Variants in TRPM3 observed in about 807,000 individuals in gnomAD.
TRPM3 encodes the protein transient receptor potential cation channel subfamily M member 3, also known as long transient receptor potential channel 3.
TRPM3 carries 77 observed loss-of-function variants against 181.2 expected under a neutral mutation model. That is an observed-to-expected ratio of 0.42 (90% confidence interval 0.35 to 0.51). TRPM3 has a LOEUF of 0.51. TRPM3 is among the 20% of genes least tolerant of loss of function. TRPM3 has a pLI of 0.01. For missense variants in TRPM3, 1,759 were observed against 2,196.7 expected, an observed-to-expected ratio of 0.80 and a Z score of 3.98; for synonymous variants, 745 against 796.4, an observed-to-expected ratio of 0.94 and a Z score of 1.09.
rs372536777 is a variant in TRPM3, at chr9:71,327,805, T to TA, written c.183+118847dup. Reference sequence around the variant, plus strand: ...TTCCTGAGAGGTTCTATCAACGTTTTAAAAATGTTTTAATGTGTTTATCAG... The same window carrying TA: ...TTCCTGAGAGGTTCTATCAACGTTTTAAAAAATGTTTTAATGTGTTTATCAG... On this transcript the variant is annotated intron_variant, in intron 1 of 24. Transcript: ENST00000357533. Among the ~76,000 whole-genome samples, 147 of 152,312 alleles carry TA rather than the reference T, an allele frequency of 9.7e-4. 1 individual carries two copies. The highest frequency in any genetic ancestry group is 3.5e-3 in the African/African-American group (145 of 41,574).
intron 1 of TRPM3, among the ~76,000 whole-genome samples, chr9:71,277,305 G>A (rs1158457210): frequency 6.6e-6 from 1 of 152,144 alleles, no homozygotes; most frequent in African/African-American, 2.4e-5. Flanking sequence ...AATAGTAAAT[G>A]TATTTGTTTT....
chr9:70,789,720 C>T (rs899141871), intron 6 of TRPM3, among the ~76,000 whole-genome samples: 17 of 152,198 alleles, frequency 1.1e-4, no homozygotes, highest in African/African-American at 3.4e-4. Flanking sequence ...TTAGAGCATA[C>T]GAAAATGTGA....
chr9:70,553,228 C>G lies in TRPM3; in HGVS notation c.3306G>C (p.Pro1102=). ...CTAAGAGGTAGCAGGCCATGATGGC[C>G]GGCACGATCCAAGCTCCTGTCTTGC... ...PPCKTGAWIV[P]AIMACYLLVA... is the part of the protein sequence containing the mutation. Residue 1102 remains proline, a synonymous_variant, in exon 23 of 26, where the codon CCG becomes CCC. Coordinates refer to ENST00000677713, the MANE Select transcript of TRPM3 (RefSeq NM_001366145.2). 4 of 1,614,028 alleles carry G rather than the reference C, an allele frequency of 2.5e-6. No individual in the cohort carries two copies. Among genetic ancestry groups the G allele is most frequent in the Non-Finnish European group, 3.4e-6 (4 of 1,180,004 alleles).
At chr9:70,605,274 G>C (rs2060839328) in intron 19 of TRPM3, among the ~76,000 whole-genome samples, 1 of 152,032 alleles carries the variant, frequency 6.6e-6, no homozygotes, top group African/African-American at 2.4e-5. Context: ...GTCTTAATAT[G>C]ACTCCAAGGT....
chr9:71,347,386 T>C (rs2091358648), intron 1 of TRPM3, among the ~76,000 whole-genome samples: 1 of 152,236 alleles, frequency 6.6e-6, no homozygotes, highest in Non-Finnish European at 1.5e-5. Context: ...TGACAAAGCA[T>C]AGAAAAGCTC....
In TRPM3 at chr9:70,671,910, T is replaced by C. The variant is rs149927324; in HGVS notation, c.1345+9596A>G. 5.7e-3 allele frequency among the ~76,000 whole-genome samples: 860 copies of C among 150,630 alleles called. 9 individuals carry two copies. The highest frequency in any genetic ancestry group is 0.02 in the African/African-American group (811 of 40,798). ...TCCCCAGTAGCTGGGATTACAGGCA[T>C]GTGCCACCATGTCCAGCTAATTTTT... On this transcript the variant is annotated intron_variant, in intron 9 of 25. Coordinates refer to ENST00000677713, the MANE Select transcript of TRPM3 (RefSeq NM_001366145.2).
At chr9:71,174,691 A>T (rs1350951679) in intron 1 of TRPM3, among the ~76,000 whole-genome samples, 1 of 152,148 alleles carries the variant, frequency 6.6e-6, no homozygotes, top group Non-Finnish European at 1.5e-5. Flanking sequence ...TTTTAAAAAC[A>T]TTCATATTTA....
rs535619851 is a variant in TRPM3 at position 71,250,584 on chromosome 9, G to A, written c.183+196069C>T. Among the ~76,000 whole-genome samples the A allele has an allele frequency of 7.2e-5, 11 of 152,210 alleles. No homozygotes were observed. In the South Asian group the frequency reaches 2.3e-3, roughly 32 times the overall value. ...TATATATTTCTTATGCCTTGTTCAG[G>A]GAGACATTAATGAGCAAAATAGATA... On this transcript the variant is annotated intron_variant, in intron 1 of 24. Coordinates refer to the TRPM3 transcript ENST00000357533.
intron 1 of TRPM3, among the ~76,000 whole-genome samples, chr9:70,898,747 C>CAAAAAAAA (rs34952516): frequency 6.4e-5 from 6 of 93,350 alleles, no homozygotes; most frequent in African/African-American, 1.7e-4. Flanking sequence ...GACTTCATCT[C>CAAAAAAAA]AAAAAAAAAA....
chr9:71,377,599 CTG>C (rs1440246927), intron 1 of TRPM3, among the ~76,000 whole-genome samples: 2 of 151,990 alleles, frequency 1.3e-5, no homozygotes, highest in African/African-American at 2.4e-5. Context: ...TGTGGCTAGT[CTG>C]TATCTTTTTT....
At chr9:71,134,026 C>T (rs529400686) in intron 1 of TRPM3, among the ~76,000 whole-genome samples, 12 of 149,608 alleles carry the variant, frequency 8.0e-5, no homozygotes, top group Middle Eastern at 3.4e-3. Flanking sequence ...CGCGTGCGCG[C>T]GCGCGCGTGT....
At chr9:70,883,347 G>A (rs2096028236) in intron 1 of TRPM3, among the ~76,000 whole-genome samples, 1 of 152,154 alleles carries the variant, frequency 6.6e-6, no homozygotes, top group Admixed American at 6.5e-5. Context: ...ACTTACAGGA[G>A]GCATGGAAAA....
chr9:71,429,127 TCTC>T (rs1188347004), intron 1 of TRPM3, among the ~76,000 whole-genome samples: 8 of 152,304 alleles, frequency 5.3e-5, no homozygotes, highest in African/African-American at 1.9e-4. Flanking sequence ...TCTTCACTGT[TCTC>T]CTTAACTCAT....
chr9:70,875,137 C>T (rs1397996044), intron 1 of TRPM3, among the ~76,000 whole-genome samples: 1 of 151,786 alleles, frequency 6.6e-6, no homozygotes, highest in African/African-American at 2.4e-5. Flanking sequence ...ACCTGGGGGA[C>T]GCATGACCGA....
intron 1 of TRPM3, among the ~76,000 whole-genome samples, chr9:71,026,691 G>A (rs575045873): frequency 6.6e-6 from 1 of 152,130 alleles, no homozygotes. Context: ...CCAGTGCTCT[G>A]CCCCTGTGCT....
At chr9:71,430,904 TTC>T (rs1466527257) in intron 1 of TRPM3, among the ~76,000 whole-genome samples, 1 of 152,210 alleles carries the variant, frequency 6.6e-6, no homozygotes, top group African/African-American at 2.4e-5. Context: ...TTCTGAACAT[TTC>T]TCTTTCTGAT....
At chr9:70,675,321 G>A (rs1590155691) in intron 9 of TRPM3, among the ~76,000 whole-genome samples, 1 of 152,140 alleles carries the variant, frequency 6.6e-6, no homozygotes, top group East Asian at 1.9e-4. Flanking sequence ...GGCTGGTCTT[G>A]AACTCCTGAC....
chr9:70,539,699 C>T (rs1053089354), intron 25 of TRPM3, among the ~76,000 whole-genome samples: 4 of 152,096 alleles, frequency 2.6e-5, no homozygotes, highest in African/African-American at 7.2e-5. Flanking sequence ...TAAACATAGC[C>T]CAAGAAACAA....
chr9:71,037,067 C>T (rs531791231), intron 1 of TRPM3, among the ~76,000 whole-genome samples: 13 of 152,230 alleles, frequency 8.5e-5, no homozygotes, highest in African/African-American at 3.1e-4. Context: ...GTAAAAGTAA[C>T]AGTAGCAAAA....
Sources: allele counts gnomAD v4.1 joint callset (sites outside exome capture counted in the v4.1 genomes callset), GRCh38; gene constraint gnomAD v4.1.1; transcripts MANE v1.5; gene names NCBI Gene and HGNC (gene_info 2026-07-23, HGNC 2026-07-21).